The following PRKG1 variants were observed in gnomAD, a reference collection of about 807,000 sequenced individuals.
PRKG1 encodes the protein cGMP-dependent protein kinase 1.
PRKG1 carries 35 observed loss-of-function variants against 88.1 expected under a neutral mutation model. The ratio of observed to expected loss-of-function variants is 0.40; its 90% CI spans 0.30 to 0.53. The LOEUF is 0.53. Ranked by LOEUF, PRKG1 falls within the 20% of genes least tolerant of loss-of-function variation. The pLI, the probability that PRKG1 is intolerant of heterozygous loss-of-function variation, is 0.59. For missense variants in PRKG1, 540 were observed against 839.8 expected (o/e 0.64, Z 4.41); for synonymous variants, 303 against 292.5 (o/e 1.04, Z -0.37).
chr10:52,018,004 T>C (rs1845086170), intron 5 of PRKG1, among the ~76,000 whole-genome samples: 1 of 152,166 alleles, frequency 6.6e-6, no homozygotes, highest in South Asian at 2.1e-4. Flanking sequence ...CTCACATTAA[T>C]ATTCCAGTGT....
At position 51,153,241 on chromosome 10, in the gene PRKG1, T is replaced by C. The variant is rs771121101; in HGVS notation, c.389T>C (p.Ile130Thr). 2 of 1,612,498 alleles carry C rather than the reference T, an allele frequency of 1.2e-6. No individual in the cohort carries two copies. The highest frequency in any genetic ancestry group is 8.5e-7 in the Non-Finnish European group (1 of 1,178,960). Residue 130 changes from isoleucine to threonine, a missense_variant, in exon 2 of 18, where the codon ATT (isoleucine) becomes ACT (threonine). Coordinates refer to ENST00000373980, the MANE Select transcript of PRKG1 (RefSeq NM_006258.4). ...TTGGAGCTGTCGCAGATCCAGGAGA[T>C]TGTGGATTGTATGTACCCGGTGGAG... is the stretch of plus-strand genomic sequence containing the variant. The part of the protein sequence containing the change: ...KNLELSQIQE[I>T]VDCMYPVEYG...
chr10:51,043,813 G>C (rs1416638379), intron 1 of PRKG1, among the ~76,000 whole-genome samples: 1 of 152,134 alleles, frequency 6.6e-6, no homozygotes, highest in Non-Finnish European at 1.5e-5. Context: ...TGGGAAGGGA[G>C]AATAAAGACA....
At chr10:51,382,791 T>A (rs552607301) in intron 2 of PRKG1, among the ~76,000 whole-genome samples, 51 of 152,302 alleles carry the variant, frequency 3.3e-4, no homozygotes, top group African/African-American at 1.2e-3. Context: ...TCCAACTGTG[T>A]CCTTCTCCAT....
chr10:51,699,518 A>C, intron 3 of PRKG1: 1 of 1,612,326 alleles, frequency 6.2e-7, no homozygotes, highest in Non-Finnish European at 8.5e-7. Flanking sequence ...TGATCGATCC[A>C]TTGCCGGGTC....
At chr10:51,796,839 C>T (rs1839024292) in intron 3 of PRKG1, among the ~76,000 whole-genome samples, 1 of 152,076 alleles carries the variant, frequency 6.6e-6, no homozygotes, top group South Asian at 2.1e-4. Flanking sequence ...TTTGATTTCT[C>T]TTCTTGACCT....
At chr10:52,287,764 C>G (rs2132458143) in intron 14 of PRKG1, among the ~76,000 whole-genome samples, 1 of 150,784 alleles carries the variant, frequency 6.6e-6, no homozygotes. Context: ...TACATCCTTG[C>G]TAGCAAAGAG....
chr10:51,216,365 A>T (rs1398034261), intron 2 of PRKG1, among the ~76,000 whole-genome samples: 3 of 152,212 alleles, frequency 2.0e-5, no homozygotes, highest in Non-Finnish European at 4.4e-5. Context: ...TGTAAACAGA[A>T]AGTCAACAGA....
At chr10:52,079,327 C>T (rs1294514232) in intron 7 of PRKG1, among the ~76,000 whole-genome samples, 1 of 152,048 alleles carries the variant, frequency 6.6e-6, no homozygotes, top group African/African-American at 2.4e-5. Context: ...CAAAGCACCA[C>T]AACACTAGAC....
chr10:51,794,149 A>G (rs777032972), intron 3 of PRKG1, among the ~76,000 whole-genome samples: 2 of 152,180 alleles, frequency 1.3e-5, no homozygotes, highest in Non-Finnish European at 2.9e-5. Flanking sequence ...CAGCAAGAGG[A>G]TATAACAATT....
intron 2 of PRKG1, among the ~76,000 whole-genome samples, chr10:51,220,378 C>T (rs1838496815): frequency 6.6e-6 from 1 of 152,120 alleles, no homozygotes; most frequent in Non-Finnish European, 1.5e-5. Context: ...CACTAGGTTT[C>T]CATGAATTTG....
intron 3 of PRKG1, among the ~76,000 whole-genome samples, chr10:51,785,998 C>T (rs1838718100): frequency 6.6e-6 from 1 of 152,130 alleles, no homozygotes; most frequent in African/African-American, 2.4e-5. Flanking sequence ...TCAGAGTTTG[C>T]TGCATCTTTG....
chr10:51,917,947 T>A (rs1022456985), intron 5 of PRKG1, among the ~76,000 whole-genome samples: 9 of 152,206 alleles, frequency 5.9e-5, no homozygotes, highest in African/African-American at 2.2e-4. Context: ...ATAAATTCCT[T>A]AAAAGCAAAA....
intron 3 of PRKG1, among the ~76,000 whole-genome samples, chr10:51,786,526 C>T (rs1278296112): frequency 2.0e-5 from 3 of 152,116 alleles, no homozygotes; most frequent in Non-Finnish European, 4.4e-5. Context: ...ACTCTTCCCT[C>T]ACCACTAGGG....
intron 2 of PRKG1, among the ~76,000 whole-genome samples, chr10:51,401,968 T>C (rs1837752621): frequency 6.6e-6 from 1 of 152,196 alleles, no homozygotes; most frequent in African/African-American, 2.4e-5. Context: ...ATGCTGCCTC[T>C]CTATTTATCC....
chr10:51,404,685 A>G (rs1837857335), intron 2 of PRKG1, among the ~76,000 whole-genome samples: 1 of 152,222 alleles, frequency 6.6e-6, no homozygotes, highest in Non-Finnish European at 1.5e-5. Flanking sequence ...AGATCATGCC[A>G]ATTAAATGTA....
chr10:51,641,635 A>G (rs1839803200), intron 3 of PRKG1, among the ~76,000 whole-genome samples: 1 of 152,094 alleles, frequency 6.6e-6, no homozygotes, highest in East Asian at 1.9e-4. Context: ...GATTGGTGCA[A>G]AAGTAATTGC....
chr10:51,020,367 C>T (rs1000761079), intron 1 of PRKG1, among the ~76,000 whole-genome samples: 1 of 152,034 alleles, frequency 6.6e-6, no homozygotes, highest in African/African-American at 2.4e-5. Flanking sequence ...CTCTAAGAGA[C>T]GTGTACTATA....
chr10:51,573,101 T>C (rs1171142418), intron 3 of PRKG1, among the ~76,000 whole-genome samples: 1 of 151,842 alleles, frequency 6.6e-6, no homozygotes, highest in Non-Finnish European at 1.5e-5. Flanking sequence ...TGCTCTAGCC[T>C]CATACTATTT....
chr10:51,283,574 G>C (rs921056780), intron 2 of PRKG1, among the ~76,000 whole-genome samples: 4 of 152,124 alleles, frequency 2.6e-5, no homozygotes, highest in African/African-American at 9.7e-5. Context: ...AAGATTGCTA[G>C]TTTGAGACTA....
Sources: allele counts gnomAD v4.1 joint callset (sites outside exome capture counted in the v4.1 genomes callset), GRCh38; gene constraint gnomAD v4.1.1; transcripts MANE v1.5; gene names NCBI Gene and HGNC (gene_info 2026-07-23, HGNC 2026-07-21).